ZFAND4: variants seen among roughly 807,000 people sequenced by gnomAD.
ZFAND4 encodes zinc finger AN1-type containing 4, also known as AN1-type zinc finger protein 4.
Under a neutral mutation model 64.4 loss-of-function variants are expected in ZFAND4, and 43 were observed. The ratio of observed to expected loss-of-function variants is 0.67; its 90% CI spans 0.52 to 0.86. The LOEUF is 0.86. Ranked by LOEUF, ZFAND4 falls within the 40% of genes least tolerant of loss-of-function variation. The pLI, the probability that ZFAND4 is intolerant of heterozygous loss-of-function variation, is 0.00. For missense variants in ZFAND4, 929 were observed against 859.8 expected (o/e 1.08, Z -1.01); for synonymous variants, 296 against 305.7 (o/e 0.97, Z 0.33).
chr10:45,636,541 G>A lies in ZFAND4; in HGVS notation c.717+3275C>T, dbSNP rs146947861. Among the ~76,000 whole-genome samples, 693 of 152,114 alleles carry A rather than the reference G, an allele frequency of 4.6e-3. 5 individuals are homozygous for A. Among genetic ancestry groups the A allele is most frequent in the African/African-American group, 0.016 (655 of 41,492 alleles). ...CGTCCCAGCTACTCAGGAGGCTGAG[G>A]TAAGACAATCGCTTAAACCTGGGAG... On this transcript the variant is annotated intron_variant, in intron 6 of 9. Coordinates refer to ENST00000344646, the MANE Select transcript of ZFAND4 (RefSeq NM_174890.4).
chr10:45,629,226 C>A (rs865814670), intron 6 of ZFAND4, among the ~76,000 whole-genome samples: 5 of 152,040 alleles, frequency 3.3e-5, no homozygotes, highest in African/African-American at 1.2e-4. Context: ...CCATGCCCAG[C>A]TAATTTTTAT....
chr10:45,639,937 G>C lies in ZFAND4; in HGVS notation c.596C>G (p.Thr199Arg). 6.2e-7 allele frequency: 1 copy of C among 1,612,182 alleles called. No homozygotes were observed. Residue 199 changes from threonine to arginine, a missense_variant, in exon 6 of 10, where the codon ACA (threonine) becomes AGA (arginine). By Grantham distance (71) the Thr-to-Arg change is moderately conservative (BLOSUM62 -1). Transcript: ENST00000344646. ...MSGGSMYNSDTDEDEETEPSS... is the reference protein window; with the variant it reads ...MSGGSMYNSDRDEDEETEPSS... ...AGGCTCAGTTTCTTCATCCTCATCT[G>C]TATCTGAATTATACATAGAACCACC...
chr10:45,667,674 G>C (rs1452801839), intron 1 of ZFAND4, among the ~76,000 whole-genome samples: 2 of 151,944 alleles, frequency 1.3e-5, no homozygotes, highest in African/African-American at 2.4e-5. Context: ...TTACCAAGTT[G>C]GCCAGGCTGG....
intron 2 of ZFAND4, chr10:45,662,777 T>C (rs985670042): frequency 9.1e-6 from 5 of 549,560 alleles, no homozygotes; most frequent in Non-Finnish European, 1.2e-5. Context: ...AATTCTGAAC[T>C]TAAACCAGCT....
intron 6 of ZFAND4, among the ~76,000 whole-genome samples, chr10:45,636,520 C>G (rs930536888): frequency 6.6e-5 from 10 of 151,984 alleles, no homozygotes; most frequent in African/African-American, 2.4e-4. Flanking sequence ...GCCTGTCGTC[C>G]CAGCTACTCA....
At chr10:45,641,189 AAATTT>A (rs1460340077) in intron 5 of ZFAND4, among the ~76,000 whole-genome samples, 1 of 152,262 alleles carries the variant, frequency 6.6e-6, no homozygotes, top group African/African-American at 2.4e-5. Context: ...AAAGATTTTG[AAATTT>A]AATTTATTTT....
chr10:45,660,898 G>A (rs1209554138), intron 2 of ZFAND4, among the ~76,000 whole-genome samples: 3 of 151,658 alleles, frequency 2.0e-5, no homozygotes, highest in African/African-American at 2.4e-5. Context: ...TGCAAGAAAC[G>A]TTAAAAGACA....
At chr10:45,649,156 CAA>C (rs1184760537) in intron 4 of ZFAND4, 968 of 92,186 alleles carry the variant, frequency 0.011, 11 homozygotes, top group African/African-American at 0.033. Flanking sequence ...TGTAGTCCCT[CAA>C]AAAAAAAAAA....
chr10:45,620,605 T>C (rs1455062078), intron 8 of ZFAND4, among the ~76,000 whole-genome samples: 3 of 152,160 alleles, frequency 2.0e-5, no homozygotes, highest in Admixed American at 6.5e-5. Context: ...CTTCTACCAA[T>C]AGAGAAAACT....
At chr10:45,629,310 C>T (rs985478954) in intron 6 of ZFAND4, among the ~76,000 whole-genome samples, 2 of 152,130 alleles carry the variant, frequency 1.3e-5, no homozygotes, top group Non-Finnish European at 2.9e-5. Context: ...GATCCTCCCA[C>T]CTCTGCCTCC....
intron 1 of ZFAND4, among the ~76,000 whole-genome samples, chr10:45,665,944 C>T (rs192290264): frequency 6.6e-6 from 1 of 152,296 alleles, no homozygotes; most frequent in Admixed American, 6.5e-5. Context: ...AGCAATATAT[C>T]TCATGTTGTT....
chr10:45,658,561 CAAAT>C (rs1176676010), intron 2 of ZFAND4, among the ~76,000 whole-genome samples: 2 of 151,752 alleles, frequency 1.3e-5, no homozygotes, highest in Non-Finnish European at 1.5e-5. Flanking sequence ...AATTTGGAGA[CAAAT>C]AAAAACATGC....
chr10:45,625,545 G>A (rs1479518521), intron 7 of ZFAND4, among the ~76,000 whole-genome samples: 1 of 150,992 alleles, frequency 6.6e-6, no homozygotes, highest in African/African-American at 2.4e-5. Flanking sequence ...TCTTACTTGG[G>A]ATGGAAAAAA....
intron 5 of ZFAND4, 194 bp from the exon 6 acceptor site, chr10:45,640,157 T>C: frequency 7.9e-7 from 1 of 1,263,656 alleles, no homozygotes; most frequent in South Asian, 1.8e-5. Flanking sequence ...GAATAAATAT[T>C]ATGATCTAGG....
intron 4 of ZFAND4, chr10:45,651,654 G>A (rs1034792802): frequency 1.0e-5 from 5 of 493,242 alleles, no homozygotes; most frequent in Non-Finnish European, 2.1e-5. Context: ...AACAAGACTC[G>A]TATGAAACTA....
chr10:45,665,265 C>T (rs1039499127), intron 1 of ZFAND4, among the ~76,000 whole-genome samples: 4 of 152,012 alleles, frequency 2.6e-5, no homozygotes, highest in Admixed American at 2.0e-4. Context: ...GAGGGCCAGG[C>T]ACAGTGGCTC....
intron 6 of ZFAND4, among the ~76,000 whole-genome samples, chr10:45,638,171 A>G (rs74895607): frequency 0.06 from 9,095 of 152,110 alleles, 397 homozygotes; most frequent in African/African-American, 0.12. Flanking sequence ...GCTGGGAAGA[A>G]TGTAAATTGG....
At chr10:45,669,496 T>C (rs554973089) in intron 1 of ZFAND4, among the ~76,000 whole-genome samples, 4 of 152,102 alleles carry the variant, frequency 2.6e-5, no homozygotes, top group East Asian at 1.9e-4. Context: ...TTCCAATCAA[T>C]AGAAAAAGAG....
Position 45,626,990 on chromosome 10 carries a change from G to C in ZFAND4, c.833C>G (p.Ser278Cys). The stretch of plus-strand genomic sequence containing the variant: ...TGCATTCCCAAAAGCAGGTGAACAA[G>C]ATTGACCAATGTTGGGGAGGACCCT... ...LLRVLPNIGQ[S>C]CSPAFGNAYP... The change falls in exon 7 of 10, where the codon TCT becomes TGT. Residue 278 changes from serine (S) to cysteine (C), a missense_variant. Ser to Cys is a moderately radical substitution (Grantham distance 112). Transcript: ENST00000344646. 6.2e-7 allele frequency: 1 copy of C among 1,613,968 alleles called. No homozygotes were observed. The highest frequency in any genetic ancestry group is 8.5e-7 in the Non-Finnish European group (1 of 1,179,896).
Sources: gnomAD v4.1 joint callset for allele counts (sites outside exome capture counted in the v4.1 genomes callset) on GRCh38, gnomAD v4.1.1 for gene constraint, MANE v1.5 for transcripts, NCBI Gene and HGNC (gene_info 2026-07-23, HGNC 2026-07-21) for gene names.